The following RTN4RL1 variants were observed in gnomAD, a reference collection of about 807,000 sequenced individuals.
RTN4RL1 encodes reticulon 4 receptor like 1.
In RTN4RL1, 7 loss-of-function variants were observed where a neutral mutation model predicts 25.6. The observed-to-expected ratio is 0.27, with a 90% CI of 0.16 to 0.51. The LOEUF (loss-of-function observed/expected upper bound fraction) is 0.51, where lower values mean the gene tolerates loss of function less well. Ranked by LOEUF, RTN4RL1 falls within the 20% of genes least tolerant of loss-of-function variation. RTN4RL1 has a pLI of 0.97. For synonymous variants in RTN4RL1, 297 were observed against 288.2 expected, an observed-to-expected ratio of 1.03 and a Z score of -0.31; for missense variants, 500 against 615.6, an observed-to-expected ratio of 0.81 and a Z score of 1.99.
Position 1,935,711 on chromosome 17 carries a change from G to GTGTGTGTATATATATATATA in RTN4RL1, c.*784_*785insTATATATATATATACACACA, listed in dbSNP as rs1435954605. On this transcript the variant is annotated 3_prime_UTR_variant, in exon 2 of 2. Transcript: ENST00000331238. Reference sequence around the variant, plus strand: ...AGTGGGAGGGGGACTGTGCATTTGTGTATATATATATATATATATATATAT... The same window carrying GTGTGTGTATATATATATATA: ...AGTGGGAGGGGGACTGTGCATTTGTGTGTGTGTATATATATATATATATATATATATATATATATATATAT... The GTGTGTGTATATATATATATA allele has an allele frequency of 2.5e-5, 4 of 157,456 alleles. No homozygotes were observed. The highest frequency in any genetic ancestry group is 3.4e-4 in the East Asian group (1 of 2,918). 9.8% of individuals were successfully genotyped at this position (157,456 alleles called of 1,614,324 possible). A position where few individuals can be genotyped will look rare whatever the true frequency, so the allele number is the denominator to read the frequency against.
chr17:2,011,836 G>C (rs1017271077), intron 1 of RTN4RL1, among the ~76,000 whole-genome samples: 5 of 152,296 alleles, frequency 3.3e-5, no homozygotes, highest in Admixed American at 1.3e-4. Context: ...AGTCACGTGT[G>C]AGTGGTAAAA....
intron 1 of RTN4RL1, among the ~76,000 whole-genome samples, chr17:1,968,623 T>G (rs2066803835): frequency 6.6e-6 from 1 of 152,194 alleles, no homozygotes; most frequent in Non-Finnish European, 1.5e-5. Context: ...GCATGTGCCA[T>G]GTTCCCTCCC....
At chr17:1,943,042 A>AG (rs1313802032) in intron 1 of RTN4RL1, among the ~76,000 whole-genome samples, 2 of 152,182 alleles carry the variant, frequency 1.3e-5, no homozygotes, top group Non-Finnish European at 2.9e-5. Flanking sequence ...CCCTTGCCCC[A>AG]GGCCCAGGCC....
intron 1 of RTN4RL1, among the ~76,000 whole-genome samples, chr17:1,996,535 G>A (rs960788777): frequency 2.8e-4 from 43 of 151,998 alleles, no homozygotes; most frequent in African/African-American, 9.7e-4. Context: ...TGTGATCCTC[G>A]CTGCCTTGCC....
At chr17:2,023,562 C>T (rs1262692414) in intron 1 of RTN4RL1, 4 of 152,430 alleles carry the variant, frequency 2.6e-5, no homozygotes, top group Non-Finnish European at 4.4e-5. Context: ...CACTGCCCCA[C>T]CAAAGGCGTG....
At chr17:1,945,300 G>A (rs578211925) in intron 1 of RTN4RL1, among the ~76,000 whole-genome samples, 50 of 152,292 alleles carry the variant, frequency 3.3e-4, no homozygotes, top group African/African-American at 9.1e-4. Context: ...TCAGCTCACT[G>A]TAACCTCCAC....
intron 1 of RTN4RL1, among the ~76,000 whole-genome samples, chr17:1,987,737 AC>A (rs1242119692): frequency 3.2e-4 from 33 of 103,918 alleles, no homozygotes; most frequent in African/African-American, 9.8e-4. Flanking sequence ...ACACACACAC[AC>A]ACACACACAC....
intron 1 of RTN4RL1, among the ~76,000 whole-genome samples, chr17:1,979,442 A>C (rs946426695): frequency 1.3e-5 from 2 of 152,048 alleles, no homozygotes; most frequent in African/African-American, 4.8e-5. Flanking sequence ...GCGCCACTGC[A>C]CTCCAGCCTG....
chr17:1,996,131 G>A (rs1341103420), intron 1 of RTN4RL1, among the ~76,000 whole-genome samples: 1 of 152,150 alleles, frequency 6.6e-6, no homozygotes, highest in East Asian at 1.9e-4. Flanking sequence ...AATTTTCCCG[G>A]TACTCTCATC....
intron 1 of RTN4RL1, among the ~76,000 whole-genome samples, chr17:1,999,371 GGGA>G (rs1188076150): frequency 4.0e-5 from 6 of 151,638 alleles, no homozygotes; most frequent in African/African-American, 7.3e-5. Flanking sequence ...ACTTGAACCC[GGGA>G]GGAGGAGATT....
Position 1,936,763 on chromosome 17 carries a change from C to A in RTN4RL1, c.1059G>T (p.Gly353=), listed in dbSNP as rs1168332239. Residue 353 remains glycine, a synonymous_variant, in exon 2 of 2, where the codon GGG becomes GGT. Coordinates refer to ENST00000331238, the MANE Select transcript of RTN4RL1 (RefSeq NM_178568.4). The stretch of plus-strand genomic sequence containing the variant: ...GGTTCCTGGGGTTGGTGCAGTTCTT[C>A]CCCGGCTTCCTGTGGCCGGGCCGGG... The part of the protein sequence containing the change: ...HGPRPGHRKP[G]KNCTNPRNRN... 8.8e-6 allele frequency: 14 copies of A among 1,594,444 alleles called. No individual in the cohort carries two copies. In the East Asian group the frequency reaches 2.9e-4, roughly 33 times the overall value.
At chr17:2,012,519 A>G (rs551011443) in intron 1 of RTN4RL1, among the ~76,000 whole-genome samples, 3 of 151,886 alleles carry the variant, frequency 2.0e-5, no homozygotes, top group East Asian at 3.9e-4. Context: ...CATCCTCCTC[A>G]CTAAAAATTC....
chr17:1,985,235 G>T (rs1469330841), intron 1 of RTN4RL1, among the ~76,000 whole-genome samples: 1 of 152,198 alleles, frequency 6.6e-6, no homozygotes. Context: ...GCACAAAGGT[G>T]TTCACTCCCT....
At chr17:2,017,038 T>A (rs1013914526) in intron 1 of RTN4RL1, among the ~76,000 whole-genome samples, 5 of 152,234 alleles carry the variant, frequency 3.3e-5, no homozygotes, top group Non-Finnish European at 7.3e-5. Flanking sequence ...TTAGCCTCCA[T>A]ATCCCCATCA....
chr17:2,017,943 C>T (rs950678087), intron 1 of RTN4RL1: 6 of 152,368 alleles, frequency 3.9e-5, no homozygotes, highest in African/African-American at 1.4e-4. Context: ...TGCCTTGTTT[C>T]ATCTTCTTTC....
At chr17:1,997,498 G>A (rs1047523972) in intron 1 of RTN4RL1, among the ~76,000 whole-genome samples, 7 of 152,228 alleles carry the variant, frequency 4.6e-5, no homozygotes, top group Non-Finnish European at 1.0e-4. Flanking sequence ...TCCCTCTGCA[G>A]GTCTGAACTT....
intron 1 of RTN4RL1, among the ~76,000 whole-genome samples, chr17:2,000,989 G>A (rs771885853): frequency 2.3e-4 from 35 of 152,152 alleles, no homozygotes; most frequent in Admixed American, 3.9e-4. Context: ...TAGGAGACGT[G>A]ACAGGCTGCC....
At chr17:2,014,570 G>A (rs1003995868) in intron 1 of RTN4RL1, among the ~76,000 whole-genome samples, 5 of 152,218 alleles carry the variant, frequency 3.3e-5, no homozygotes, top group African/African-American at 1.2e-4. Flanking sequence ...GGTGGCTCAT[G>A]CCTGTAATCC....
chr17:1,966,709 A>G (rs1232925189), intron 1 of RTN4RL1, among the ~76,000 whole-genome samples: 1 of 152,104 alleles, frequency 6.6e-6, no homozygotes, highest in Non-Finnish European at 1.5e-5. Context: ...CCTAGAGGAC[A>G]CAGAGATCCT....
Sources: allele counts gnomAD v4.1 joint callset (sites outside exome capture counted in the v4.1 genomes callset), GRCh38; gene constraint gnomAD v4.1.1; transcripts MANE v1.5; gene names NCBI Gene and HGNC (gene_info 2026-07-23, HGNC 2026-07-21).